FRMD3: variants seen among roughly 807,000 people sequenced by gnomAD.
The protein encoded by FRMD3 is FERM domain containing 3.
In FRMD3, 33 loss-of-function variants were observed where a neutral mutation model predicts 70.2. The ratio of observed to expected loss-of-function variants is 0.47; its 90% confidence interval spans 0.36 to 0.63. The LOEUF is 0.63. Ranked by LOEUF, FRMD3 falls within the 20% of genes least tolerant of loss-of-function variation. The pLI is 0.00. For synonymous variants in FRMD3, 279 were observed against 255.9 expected (o/e 1.09, Z -0.86); for missense variants, 632 against 711.4 (o/e 0.89, Z 1.27).
chr9:83,562,948 T>G, the FRMD3 span, among the ~76,000 whole-genome samples: 4 of 139,942 alleles, frequency 2.9e-5, no homozygotes, highest in South Asian at 9.0e-4. Flanking sequence ...TGTTATTGAA[T>G]GAGAGAAGAG....
At chr9:83,552,739 T>C in the FRMD3 span, among the ~76,000 whole-genome samples, 1 of 152,348 alleles carries the variant, frequency 6.6e-6, no homozygotes, top group East Asian at 1.9e-4. Context: ...TGCCTTTCTT[T>C]GTCTTTTTTA....
chr9:83,578,176 T>A, the FRMD3 span, among the ~76,000 whole-genome samples: 3 of 151,670 alleles, frequency 2.0e-5, no homozygotes, highest in African/African-American at 2.4e-5. Context: ...AGGAGCTGAA[T>A]CCGTAATAAA....
At chr9:83,485,624 G>T (rs10746712) in intron 1 of FRMD3, among the ~76,000 whole-genome samples, 28,869 of 152,016 alleles carry the variant, frequency 0.19, 3,504 homozygotes, top group African/African-American at 0.34. Context: ...AGAAATTACC[G>T]TCTGGAATCA....
chr9:83,496,886 G>A (rs972673319), intron 1 of FRMD3, among the ~76,000 whole-genome samples: 9 of 152,178 alleles, frequency 5.9e-5, no homozygotes, highest in African/African-American at 2.2e-4. Context: ...GGCCGAGGCA[G>A]GCGGATTACC....
At chr9:83,405,890 GT>G (rs1826088048) in intron 1 of FRMD3, among the ~76,000 whole-genome samples, 2 of 152,116 alleles carry the variant, frequency 1.3e-5, no homozygotes, top group Non-Finnish European at 2.9e-5. Context: ...TGCATAATTG[GT>G]TCTTACTTTC....
chr9:83,386,098 C>G (rs1473516987), intron 2 of FRMD3, among the ~76,000 whole-genome samples: 3 of 152,156 alleles, frequency 2.0e-5, no homozygotes, highest in Non-Finnish European at 4.4e-5. Context: ...ATCAACCCTA[C>G]AGGTTGGTAT....
chr9:83,311,130 T>TA (rs1587709705), intron 8 of FRMD3, among the ~76,000 whole-genome samples: 1 of 152,154 alleles, frequency 6.6e-6, no homozygotes, highest in South Asian at 2.1e-4. Flanking sequence ...ACAGGGCTTC[T>TA]AAAAAATTAT....
intron 12 of FRMD3, among the ~76,000 whole-genome samples, chr9:83,292,283 C>T (rs112418874): frequency 0.03 from 4,514 of 151,668 alleles, 137 homozygotes; most frequent in African/African-American, 0.081. Context: ...CTCAGCCTCG[C>T]GAGTAGCTGG....
chr9:83,402,852 A>C (rs1825986433), intron 1 of FRMD3, among the ~76,000 whole-genome samples: 1 of 149,732 alleles, frequency 6.7e-6, no homozygotes, highest in Non-Finnish European at 1.5e-5. Context: ...AAATTTTCTC[A>C]TAGCCTTGAG....
At chr9:83,321,603 G>A (rs1835804047) in intron 6 of FRMD3, among the ~76,000 whole-genome samples, 1 of 151,662 alleles carries the variant, frequency 6.6e-6, no homozygotes, top group Non-Finnish European at 1.5e-5. Flanking sequence ...CTACTATATG[G>A]TCTATCTTGG....
At chr9:83,568,620 T>G in the FRMD3 span, among the ~76,000 whole-genome samples, 7 of 152,100 alleles carry the variant, frequency 4.6e-5, no homozygotes, top group African/African-American at 1.7e-4. Flanking sequence ...AGTAGAACAA[T>G]GGTCACCAGA....
At chr9:83,381,710 A>G (rs1366683656) in intron 2 of FRMD3, among the ~76,000 whole-genome samples, 1 of 152,176 alleles carries the variant, frequency 6.6e-6, no homozygotes, top group East Asian at 1.9e-4. Flanking sequence ...GGGAGGGGCC[A>G]GGAAGTCTTT....
chr9:83,450,351 T>G (rs929316596), intron 1 of FRMD3, among the ~76,000 whole-genome samples: 17 of 100,536 alleles, frequency 1.7e-4, no homozygotes, highest in Non-Finnish European at 3.4e-4. Flanking sequence ...CCCTCAGTTT[T>G]TTTTTTTTTT....
At chr9:83,341,092 C>A (rs967122059) in intron 5 of FRMD3, among the ~76,000 whole-genome samples, 22 of 152,160 alleles carry the variant, frequency 1.4e-4, no homozygotes, top group Admixed American at 9.8e-4. Context: ...TAAGAATAAG[C>A]AGTTCTGAAA....
At chr9:83,299,673 T>C (rs530549603) in intron 10 of FRMD3, among the ~76,000 whole-genome samples, 1 of 152,360 alleles carries the variant, frequency 6.6e-6, no homozygotes, top group African/African-American at 2.4e-5. Context: ...AAGAACTCAC[T>C]GTGCATTGCC....
intron 6 of FRMD3, among the ~76,000 whole-genome samples, chr9:83,330,710 G>T (rs889897785): frequency 6.6e-6 from 1 of 152,174 alleles, no homozygotes; most frequent in African/African-American, 2.4e-5. Flanking sequence ...GTCTATATCT[G>T]CTTTTGCTTT....
chr9:83,524,226 T>C (rs979405698), intron 1 of FRMD3, among the ~76,000 whole-genome samples: 1 of 152,236 alleles, frequency 6.6e-6, no homozygotes, highest in Non-Finnish European at 1.5e-5. Context: ...TCATTAGCAT[T>C]ACCCTTCCTT....
intron 13 of FRMD3, among the ~76,000 whole-genome samples, chr9:83,255,763 C>T (rs1328968295): frequency 6.6e-6 from 1 of 152,058 alleles, no homozygotes; most frequent in Non-Finnish European, 1.5e-5. Context: ...CGTGAATAAC[C>T]TCCCATTCAA....
chr9:83,281,325 G>A (rs1563991962), intron 13 of FRMD3, among the ~76,000 whole-genome samples: 1 of 152,184 alleles, frequency 6.6e-6, no homozygotes, highest in Non-Finnish European at 1.5e-5. Context: ...TAGGGAAGTA[G>A]TGAGAGTGTC....
Sources: allele counts gnomAD v4.1 joint callset (sites outside exome capture counted in the v4.1 genomes callset), GRCh38; gene constraint gnomAD v4.1.1; transcripts MANE v1.5; gene names NCBI Gene and HGNC (gene_info 2026-07-23, HGNC 2026-07-21).